The following SYNE2 variants were observed in gnomAD, a reference collection of about 807,000 sequenced individuals.
SYNE2 encodes the protein nesprin-2.
In SYNE2, 431 loss-of-function variants were observed where a neutral mutation model predicts 856.3. That is an observed-to-expected ratio of 0.50 (90% CI 0.47 to 0.55). SYNE2 has a LOEUF of 0.55. Ranked by LOEUF, SYNE2 falls within the 20% of genes least tolerant of loss-of-function variation. The pLI is 0.00. For missense variants in SYNE2, 8,129 were observed against 8,023.2 expected, an observed-to-expected ratio of 1.01 and a Z score of -0.50; for synonymous variants, 2,923 against 2,872.3, an observed-to-expected ratio of 1.02 and a Z score of -0.56.
intron 19 of SYNE2, among the ~76,000 whole-genome samples, chr14:63,988,576 C>G (rs966403757): frequency 1.3e-5 from 2 of 152,192 alleles, no homozygotes; most frequent in African/African-American, 4.8e-5. Context: ...TAGTTGATAT[C>G]ACATACTATA....
chr14:64,194,516 G>A (rs2098532144), intron 99 of SYNE2, among the ~76,000 whole-genome samples: 1 of 152,184 alleles, frequency 6.6e-6, no homozygotes, highest in Admixed American at 6.5e-5. Flanking sequence ...TATTGCCCAA[G>A]CTGGTCTTGA....
Position 64,213,010 on chromosome 14 carries a change from G to GGGCACTGCT in SYNE2, c.19056+7_19056+15dup. On this transcript the variant is annotated splice_donor_region_variant and intron_variant, in intron 105 of 115. Coordinates refer to ENST00000555002, the MANE Select transcript of SYNE2 (RefSeq NM_182914.3). Reference sequence around the variant, plus strand: ...CGGCTCACCTCCTGCACTCCGGTACGGGCACTGCTGCCTAGAAATGGCACC... The same window carrying GGGCACTGCT: ...CGGCTCACCTCCTGCACTCCGGTACGGGCACTGCTGGCACTGCTGCCTAGAAATGGCACC... 1 of 1,612,746 alleles carries GGGCACTGCT rather than the reference G, an allele frequency of 6.2e-7. No individual in the cohort carries two copies. Among genetic ancestry groups the GGGCACTGCT allele is most frequent in the Non-Finnish European group, 8.5e-7 (1 of 1,179,908 alleles).
chr14:64,182,833 A>G (rs2098465262), intron 96 of SYNE2, among the ~76,000 whole-genome samples: 1 of 152,010 alleles, frequency 6.6e-6, no homozygotes, highest in Non-Finnish European at 1.5e-5. Context: ...TTTTCCCCAC[A>G]TTTCCCCCTT....
At chr14:63,960,081 G>A (rs530434939) in intron 8 of SYNE2, among the ~76,000 whole-genome samples, 4 of 152,110 alleles carry the variant, frequency 2.6e-5, no homozygotes, top group Admixed American at 6.5e-5. Flanking sequence ...TAATCTTCAC[G>A]TGTGGCTTCG....
In SYNE2 at chr14:64,225,964, G is replaced by A. The variant is rs1037597586; in HGVS notation, c.*438G>A. The A allele has an allele frequency of 3.2e-6, 1 of 316,842 alleles. No individual in the cohort carries two copies. Among genetic ancestry groups the A allele is most frequent in the Non-Finnish European group, 5.9e-6 (1 of 170,720 alleles). 19.6% of individuals were successfully genotyped at this position (316,842 alleles called of 1,614,324 possible). On this transcript the variant is annotated 3_prime_UTR_variant, in exon 116 of 116. Transcript: ENST00000555002. The stretch of plus-strand genomic sequence containing the variant: ...AACTCATAGGCACCCTTAGCTGATG[G>A]AAACAATCAATCATATTTAATACGC...
chr14:64,065,683 T>C (rs911519319), intron 51 of SYNE2, 33 bp downstream of exon 51: 1 of 1,608,162 alleles, frequency 6.2e-7, no homozygotes, highest in African/African-American at 1.3e-5. Flanking sequence ...ACCATGTAGT[T>C]TCTAACATGT....
intron 78 of SYNE2, among the ~76,000 whole-genome samples, chr14:64,137,478 A>T (rs2098103327): frequency 1.3e-5 from 2 of 152,062 alleles, no homozygotes; most frequent in Admixed American, 1.3e-4. Context: ...CTCGAACTGC[A>T]GACCTCAGGT....
chr14:64,109,717 C>T (rs748966401), intron 65 of SYNE2, among the ~76,000 whole-genome samples: 30 of 152,324 alleles, frequency 2.0e-4, no homozygotes, highest in Non-Finnish European at 3.2e-4. Context: ...CCTTTACTGG[C>T]TCCAAGTTCC....
intron 37 of SYNE2, 29 bp downstream of exon 37, chr14:64,022,057 T>C (rs749489537): frequency 1.2e-6 from 2 of 1,608,280 alleles, no homozygotes; most frequent in African/African-American, 2.7e-5. Context: ...TTATTTTGTT[T>C]CTGGGACTCT....
intron 21 of SYNE2, among the ~76,000 whole-genome samples, chr14:63,993,165 T>A (rs1446197423): frequency 6.6e-6 from 1 of 152,240 alleles, no homozygotes; most frequent in African/African-American, 2.4e-5. Flanking sequence ...TTGAAGTTGA[T>A]GGTGAAACAA....
At chr14:64,117,424 G>A (rs376850794) in intron 66 of SYNE2, among the ~76,000 whole-genome samples, 30 of 152,066 alleles carry the variant, frequency 2.0e-4, no homozygotes, top group African/African-American at 6.8e-4. Flanking sequence ...CCCAGTCTCC[G>A]GAATAGCTGG....
intron 61 of SYNE2, among the ~76,000 whole-genome samples, chr14:64,097,668 G>T (rs2097688134): frequency 6.6e-6 from 1 of 152,244 alleles, no homozygotes; most frequent in Non-Finnish European, 1.5e-5. Context: ...CACGTGTGGA[G>T]CATGTTACAA....
chr14:63,832,366 C>G (rs1464443431), intron 1 of SYNE2, among the ~76,000 whole-genome samples: 1 of 151,758 alleles, frequency 6.6e-6, no homozygotes, highest in African/African-American at 2.4e-5. Flanking sequence ...GTCTGGAACT[C>G]CTGGGCTCAA....
chr14:63,848,442 A>T (rs985081558), upstream of SYNE2: 1 of 152,190 alleles, frequency 6.6e-6, no homozygotes, highest in Non-Finnish European at 1.5e-5. Flanking sequence ...GACCTATCTT[A>T]GCCTGACAGA....
intron 7 of SYNE2, among the ~76,000 whole-genome samples, chr14:63,953,262 G>A (rs1016064838): frequency 5.9e-5 from 9 of 152,302 alleles, no homozygotes; most frequent in African/African-American, 1.9e-4. Flanking sequence ...GGTAAGGCAG[G>A]GCTTTGCTGC....
At position 64,209,581 on chromosome 14, in the gene SYNE2, A is replaced by G; in HGVS notation, c.18540+3A>G. 8 of 1,614,060 alleles carry G rather than the reference A, an allele frequency of 5.0e-6. No homozygotes were observed. Among genetic ancestry groups the G allele is most frequent in the Non-Finnish European group, 6.8e-6 (8 of 1,180,028 alleles). On this transcript the variant is annotated splice_donor_region_variant and intron_variant, in intron 102 of 115. Coordinates refer to ENST00000555002, the MANE Select transcript of SYNE2 (RefSeq NM_182914.3). ...AAGAGGAACTGAAGAGGTTTGAGGT[A>G]AACACCTTCTCCATCCCGGTCTCCT... is the stretch of plus-strand genomic sequence containing the variant.
At chr14:63,961,737 A>T (rs938548735) in intron 9 of SYNE2, 112 bp downstream of exon 9, 3 of 762,120 alleles carry the variant, frequency 3.9e-6, no homozygotes, top group Non-Finnish European at 6.9e-6. Flanking sequence ...CAGTTTAATG[A>T]GCATACACCC....
intron 45 of SYNE2, among the ~76,000 whole-genome samples, chr14:64,042,056 C>T (rs2097152854): frequency 6.6e-6 from 1 of 152,068 alleles, no homozygotes; most frequent in Non-Finnish European, 1.5e-5. Context: ...GGGTATATAT[C>T]ACAGCACTAT....
At chr14:64,192,776 A>G (rs1182162530) in intron 99 of SYNE2, among the ~76,000 whole-genome samples, 1 of 152,204 alleles carries the variant, frequency 6.6e-6, no homozygotes, top group East Asian at 1.9e-4. Flanking sequence ...CAACTTAGGC[A>G]GTGTCACTTC....
Sources: gnomAD v4.1 joint callset for allele counts (sites outside exome capture counted in the v4.1 genomes callset) on GRCh38, gnomAD v4.1.1 for gene constraint, MANE v1.5 for transcripts, NCBI Gene and HGNC (gene_info 2026-07-23, HGNC 2026-07-21) for gene names.